The following GRID2 variants were observed in gnomAD, a reference collection of about 807,000 sequenced individuals.
GRID2 encodes the protein glutamate receptor ionotropic, delta-2.
Under a neutral mutation model 114.8 loss-of-function variants are expected in GRID2, and 33 were observed. The ratio of observed to expected loss-of-function variants is 0.29; its 90% confidence interval spans 0.22 to 0.38. The LOEUF (loss-of-function observed/expected upper bound fraction) is 0.38. GRID2 is among the 10% of genes least tolerant of loss of function. GRID2 has a pLI of 1.00. For synonymous variants in GRID2, 505 were observed against 449.9 expected, an observed-to-expected ratio of 1.12 and a Z score of -1.55; for missense variants, 1,184 against 1,257.7, an observed-to-expected ratio of 0.94 and a Z score of 0.89.
chr4:92,769,655 C>G (rs1299645980), intron 2 of GRID2, among the ~76,000 whole-genome samples: 1 of 152,218 alleles, frequency 6.6e-6, no homozygotes, highest in Non-Finnish European at 1.5e-5. Context: ...CTTCTGTGCA[C>G]CTGCAGGCTC....
At chr4:93,002,948 T>C (rs561194243) in intron 2 of GRID2, among the ~76,000 whole-genome samples, 91 of 151,922 alleles carry the variant, frequency 6.0e-4, no homozygotes, top group African/African-American at 2.1e-3. Context: ...ACTACATCCT[T>C]TTCCTTCCAT....
At chr4:93,186,735 T>C (rs1298954827) in intron 4 of GRID2, among the ~76,000 whole-genome samples, 1 of 152,176 alleles carries the variant, frequency 6.6e-6, no homozygotes, top group African/African-American at 2.4e-5. Flanking sequence ...AGGTTGCATA[T>C]GTCATCTCTC....
intron 6 of GRID2, among the ~76,000 whole-genome samples, chr4:93,221,352 G>T (rs1027038658): frequency 1.3e-5 from 2 of 152,128 alleles, no homozygotes; most frequent in African/African-American, 4.8e-5. Flanking sequence ...GCCACAGATG[G>T]TGTCAAATAT....
chr4:93,581,303 T>G (rs1013962956), intron 13 of GRID2, among the ~76,000 whole-genome samples: 40 of 152,280 alleles, frequency 2.6e-4, no homozygotes, highest in Non-Finnish European at 5.9e-5. Flanking sequence ...TGGGGCTTAT[T>G]ATAAATGGTT....
intron 2 of GRID2, among the ~76,000 whole-genome samples, chr4:92,852,025 G>C (rs956053007): frequency 6.6e-6 from 1 of 151,824 alleles, no homozygotes; most frequent in Admixed American, 6.6e-5. Context: ...TGTGCAGAAG[G>C]GGAAGAAGCA....
chr4:92,363,837 T>C lies in GRID2; in HGVS notation c.88+59093T>C, dbSNP rs964013782. 6.8e-5 allele frequency among the ~76,000 whole-genome samples: 10 copies of C among 147,414 alleles called. 1 individual carries two copies. Among genetic ancestry groups the C allele is most frequent in the Admixed American group, 1.4e-4 (2 of 14,642 alleles). ...AAGTTTACTTTTTTTTTTTTTTTTT[T>C]CTGACAGAATCTCCCTTTATCACCC... is the stretch of plus-strand genomic sequence containing the variant. On this transcript the variant is annotated intron_variant, in intron 1 of 15. Coordinates refer to ENST00000282020, the MANE Select transcript of GRID2 (RefSeq NM_001510.4).
chr4:92,897,152 A>C (rs1747226382), intron 2 of GRID2, among the ~76,000 whole-genome samples: 1 of 152,092 alleles, frequency 6.6e-6, no homozygotes, highest in South Asian at 2.1e-4. Flanking sequence ...TACCTTCTTC[A>C]GAGATTATTA....
At chr4:92,420,005 A>C (rs904237453) in intron 1 of GRID2, among the ~76,000 whole-genome samples, 5 of 152,150 alleles carry the variant, frequency 3.3e-5, no homozygotes, top group Non-Finnish European at 5.9e-5. Context: ...TTTCAGCATG[A>C]ATTAGAACAA....
intron 4 of GRID2, among the ~76,000 whole-genome samples, chr4:93,198,539 G>A (rs773020718): frequency 3.9e-5 from 6 of 152,014 alleles, no homozygotes; most frequent in East Asian, 1.9e-4. Context: ...TATAAAATAC[G>A]TACAACATGG....
chr4:92,724,534 C>T (rs976196869), intron 2 of GRID2, among the ~76,000 whole-genome samples: 1 of 152,162 alleles, frequency 6.6e-6, no homozygotes, highest in Non-Finnish European at 1.5e-5. Flanking sequence ...ATAGCATCCA[C>T]CACGTGAACT....
intron 2 of GRID2, among the ~76,000 whole-genome samples, chr4:92,806,015 A>G (rs1740393146): frequency 6.6e-6 from 1 of 151,926 alleles, no homozygotes; most frequent in South Asian, 2.1e-4. Flanking sequence ...TTATGTTCAA[A>G]TATATACAAA....
chr4:92,466,984 CT>C (rs1721788178), intron 1 of GRID2, among the ~76,000 whole-genome samples: 1 of 151,682 alleles, frequency 6.6e-6, no homozygotes, highest in African/African-American at 2.4e-5. Flanking sequence ...GTTTTAAAAT[CT>C]TAATTATCAA....
chr4:93,797,802 GAT>G (rs1376845800), intron 1 of GRID2, among the ~76,000 whole-genome samples: 1 of 129,144 alleles, frequency 7.7e-6, no homozygotes, highest in Non-Finnish European at 1.6e-5. Context: ...TTATTCGAAA[GAT>G]ATTAAGAGAG....
chr4:92,794,196 G>A (rs1373098866), intron 2 of GRID2, among the ~76,000 whole-genome samples: 2 of 151,698 alleles, frequency 1.3e-5, no homozygotes, highest in Admixed American at 6.6e-5. Flanking sequence ...GCTCACTGTA[G>A]CCTCCAACTC....
chr4:92,897,315 C>T (rs1469385781), intron 2 of GRID2, among the ~76,000 whole-genome samples: 1 of 152,110 alleles, frequency 6.6e-6, no homozygotes, highest in Admixed American at 6.6e-5. Flanking sequence ...AAACAACTAT[C>T]CATCTCTTTA....
At chr4:92,593,940 C>A (rs965912061) in intron 2 of GRID2, among the ~76,000 whole-genome samples, 9 of 146,750 alleles carry the variant, frequency 6.1e-5, no homozygotes, top group African/African-American at 1.7e-4. Flanking sequence ...AAAAAAAAAA[C>A]GTATATGGGT....
At chr4:93,119,435 A>G (rs901091789) in intron 4 of GRID2, among the ~76,000 whole-genome samples, 2 of 152,178 alleles carry the variant, frequency 1.3e-5, no homozygotes, top group African/African-American at 4.8e-5. Flanking sequence ...TAAATTAGAC[A>G]TTTTGGCCAT....
intron 8 of GRID2, among the ~76,000 whole-genome samples, chr4:93,378,742 T>C (rs1233254283): frequency 6.6e-6 from 1 of 152,130 alleles, no homozygotes; most frequent in East Asian, 1.9e-4. Flanking sequence ...CAAGTGTCTT[T>C]TCTGAATCTA....
At chr4:93,381,838 G>C (rs1763883188) in intron 8 of GRID2, among the ~76,000 whole-genome samples, 1 of 151,984 alleles carries the variant, frequency 6.6e-6, no homozygotes, top group South Asian at 2.1e-4. Context: ...TACCTTTACT[G>C]TGATATTTAT....
Sources: allele counts gnomAD v4.1 joint callset (sites outside exome capture counted in the v4.1 genomes callset), GRCh38; gene constraint gnomAD v4.1.1; transcripts MANE v1.5; gene names NCBI Gene and HGNC (gene_info 2026-07-23, HGNC 2026-07-21).